PSTPIP2: variants seen among roughly 807,000 people sequenced by gnomAD.
PSTPIP2 encodes the protein proline-serine-threonine phosphatase-interacting protein 2.
Under a neutral mutation model 63.3 loss-of-function variants are expected in PSTPIP2, and 33 were observed. The observed-to-expected ratio is 0.52, with a 90% CI of 0.40 to 0.70. The LOEUF is 0.70. Ranked by LOEUF, PSTPIP2 falls within the 30% of genes least tolerant of loss-of-function variation. The probability of loss-of-function intolerance (pLI) is 0.00; values close to 1 mark genes in which losing one functional copy is unlikely to be tolerated. For synonymous variants in PSTPIP2, 125 were observed against 132.7 expected, an observed-to-expected ratio of 0.94 and a Z score of 0.40; for missense variants, 312 against 400.7, an observed-to-expected ratio of 0.78 and a Z score of 1.89.
chr18:46,044,232 AG>A (rs1486318460), intron 1 of PSTPIP2, among the ~76,000 whole-genome samples: 1 of 152,244 alleles, frequency 6.6e-6, no homozygotes. Context: ...ACAAAGCTGG[AG>A]GCATCACGCT....
intron 1 of PSTPIP2, among the ~76,000 whole-genome samples, chr18:46,051,399 C>T (rs976768350): frequency 1.3e-5 from 2 of 151,922 alleles, no homozygotes; most frequent in Admixed American, 6.6e-5. Context: ...CACTTGAGCC[C>T]GGGAAGTGGA....
At chr18:46,046,922 C>T (rs191275091) in intron 1 of PSTPIP2, among the ~76,000 whole-genome samples, 15 of 152,356 alleles carry the variant, frequency 9.8e-5, no homozygotes, top group Non-Finnish European at 7.3e-5. Context: ...TGCATAAGTG[C>T]GCTGCACTTT....
At chr18:46,029,348 T>A (rs528291213) in intron 2 of PSTPIP2, 3 of 1,559,168 alleles carry the variant, frequency 1.9e-6, no homozygotes, top group Non-Finnish European at 1.8e-6. Flanking sequence ...GCATGAAAAT[T>A]AATGGAAGGG....
At position 45,985,138 on chromosome 18, in the gene PSTPIP2, GCTC is replaced by G. The variant is rs1270155303; in HGVS notation, c.*318_*320del. On this transcript the variant is annotated 3_prime_UTR_variant, in exon 15 of 15. Transcript: ENST00000409746. ...CTCAGAATCCTCTGCTGCCACCTCT[GCTC>G]CTCAAGTGGATGCTCCAAATCCAGA... The G allele has an allele frequency of 5.3e-6, 2 of 375,904 alleles. No homozygotes were observed. The highest frequency in any genetic ancestry group is 4.3e-5 in the African/African-American group (2 of 46,638). 23.3% of individuals were successfully genotyped at this position (375,904 alleles called of 1,614,324 possible). A position where few individuals can be genotyped will look rare whatever the true frequency, so the allele number is the denominator to read the frequency against.
chr18:46,062,619 G>T (rs1909031872), intron 1 of PSTPIP2, among the ~76,000 whole-genome samples: 1 of 152,092 alleles, frequency 6.6e-6, no homozygotes, highest in African/African-American at 2.4e-5. Context: ...CTGCCTCCCA[G>T]GTTCAAGCAA....
chr18:46,020,341 C>T (rs2144091821), intron 3 of PSTPIP2, among the ~76,000 whole-genome samples: 1 of 152,248 alleles, frequency 6.6e-6, no homozygotes, highest in Non-Finnish European at 1.5e-5. Context: ...GGTGGAAAAT[C>T]CTAGCTAGTC....
chr18:46,008,473 G>A (rs1240248260), intron 5 of PSTPIP2, among the ~76,000 whole-genome samples: 1 of 145,766 alleles, frequency 6.9e-6, no homozygotes, highest in African/African-American at 2.6e-5. Flanking sequence ...GACCACACCT[G>A]GCTAATTTTC....
At chr18:46,040,070 TCAGACCAGGAA>T in intron 1 of PSTPIP2, 23 bp from the exon 2 acceptor site, 1 of 1,557,356 alleles carries the variant, frequency 6.4e-7, no homozygotes, top group Non-Finnish European at 8.8e-7. Context: ...CAACATGGCA[TCAGACCAGGAA>T]CAGAAGGCAG....
At chr18:46,065,161 A>G (rs1013235124) in intron 1 of PSTPIP2, among the ~76,000 whole-genome samples, 40 of 150,346 alleles carry the variant, frequency 2.7e-4, no homozygotes, top group African/African-American at 8.3e-4. Flanking sequence ...AAAAAAAAAA[A>G]AAAGAAAAGA....
chr18:46,049,056 G>GTGTGT (rs1568229055), intron 1 of PSTPIP2, among the ~76,000 whole-genome samples: 1 of 138,948 alleles, frequency 7.2e-6, no homozygotes, highest in African/African-American at 2.7e-5. Context: ...GTGTGTGTGT[G>GTGTGT]GAGAGAGAGA....
At chr18:46,067,037 A>G (rs1439006452) in intron 1 of PSTPIP2, among the ~76,000 whole-genome samples, 2 of 151,908 alleles carry the variant, frequency 1.3e-5, no homozygotes, top group African/African-American at 2.4e-5. Context: ...CAAAAAAAAA[A>G]AAAAAAAGAG....
rs368152453 is a variant in PSTPIP2, at chr18:46,068,374, T to G, written c.33+3782A>C. Among the ~76,000 whole-genome samples the G allele has an allele frequency of 5.3e-4, 80 of 152,264 alleles. No individual in the cohort carries two copies. The East Asian group carries it at 0.013, about 26-fold the overall frequency. On this transcript the variant is annotated intron_variant, in intron 1 of 14. Coordinates refer to ENST00000409746, the MANE Select transcript of PSTPIP2 (RefSeq NM_024430.4). ...GTGCAATGGCACGATCTCAGCTCAC[T>G]GCAAGCTCCACCTCCCAAGTTCACA...
At chr18:45,995,489 T>C (rs1237747757) in intron 9 of PSTPIP2, among the ~76,000 whole-genome samples, 1 of 152,242 alleles carries the variant, frequency 6.6e-6, no homozygotes, top group East Asian at 1.9e-4. Flanking sequence ...AAAAATGGCC[T>C]CATTCTAGGC....
chr18:46,033,517 G>A (rs1907855784), intron 2 of PSTPIP2, among the ~76,000 whole-genome samples: 1 of 152,048 alleles, frequency 6.6e-6, no homozygotes, highest in Admixed American at 6.6e-5. Context: ...GGTCAACATG[G>A]TGAAACCCGG....
chr18:46,049,154 T>G (rs140452013), intron 1 of PSTPIP2, among the ~76,000 whole-genome samples: 3 of 152,202 alleles, frequency 2.0e-5, no homozygotes, highest in African/African-American at 7.2e-5. Flanking sequence ...AGAGTAAATC[T>G]AAATTTCTTT....
intron 1 of PSTPIP2, among the ~76,000 whole-genome samples, chr18:46,058,473 C>CCTCCCGGGTTCA (rs1202417341): frequency 1.3e-5 from 2 of 152,044 alleles, no homozygotes; most frequent in Non-Finnish European, 2.9e-5. Flanking sequence ...TCTCCTGCCT[C>CCTCCCGGGTTCA]AGGCTCCTGA....
intron 2 of PSTPIP2, among the ~76,000 whole-genome samples, chr18:46,039,000 G>C (rs1165032308): frequency 6.6e-6 from 1 of 152,214 alleles, no homozygotes; most frequent in African/African-American, 2.4e-5. Flanking sequence ...GAGTAAGTTT[G>C]ATCGTTACCT....
Position 46,024,369 on chromosome 18 carries a change from C to T in PSTPIP2, c.212+240G>A, listed in dbSNP as rs573235866. Among the ~76,000 whole-genome samples, 251 of 152,170 alleles carry T rather than the reference C, an allele frequency of 1.6e-3. 1 individual carries two copies. The highest frequency in any genetic ancestry group is 5.9e-3 in the African/African-American group (243 of 41,502). On this transcript the variant is annotated intron_variant, in intron 3 of 14. Coordinates refer to ENST00000409746, the MANE Select transcript of PSTPIP2 (RefSeq NM_024430.4). ...CCTAGGCTGGTCTTGAACTCCTGGG[C>T]CCAAGCGATCCACCTGCCTCGGCCT...
At chr18:46,067,790 G>C (rs944713405) in intron 1 of PSTPIP2, among the ~76,000 whole-genome samples, 1 of 152,160 alleles carries the variant, frequency 6.6e-6, no homozygotes, top group East Asian at 1.9e-4. Flanking sequence ...GGAGCTCTCT[G>C]AACCTTTACT....
Sources: allele counts gnomAD v4.1 joint callset (sites outside exome capture counted in the v4.1 genomes callset), GRCh38; gene constraint gnomAD v4.1.1; transcripts MANE v1.5; gene names NCBI Gene and HGNC (gene_info 2026-07-23, HGNC 2026-07-21).